TMEM86A: variants seen among roughly 807,000 people sequenced by gnomAD.
TMEM86A encodes transmembrane protein 86A.
TMEM86A carries 13 observed loss-of-function variants against 19.8 expected under a neutral mutation model. The ratio of observed to expected loss-of-function variants is 0.66; its 90% CI spans 0.43 to 1.04. The LOEUF is 1.04. Among genes scored for constraint, TMEM86A ranks in the 50% least tolerant of loss-of-function variants. TMEM86A has a pLI of 0.00. For synonymous variants in TMEM86A, 128 were observed against 129.9 expected, an observed-to-expected ratio of 0.99 and a Z score of 0.10; for missense variants, 248 against 306.8, an observed-to-expected ratio of 0.81 and a Z score of 1.43.
chr11:18,701,305 G>T lies in TMEM86A; in HGVS notation c.286+108G>T. The T allele has an allele frequency of 1.4e-6, 2 of 1,439,986 alleles. No homozygotes were observed. The highest frequency in any genetic ancestry group is 1.3e-5 in the South Asian group (1 of 75,240). 89.2% of individuals were successfully genotyped at this position (1,439,986 alleles called of 1,614,324 possible). A position where few individuals can be genotyped will look rare whatever the true frequency, so the allele number is the denominator to read the frequency against. On this transcript the variant is annotated intron_variant, in intron 2 of 2. Transcript: ENST00000280734. The surrounding 1 kb of genome is among the most constrained non-coding windows in gnomAD (Gnocchi z 5.3). The stretch of plus-strand genomic sequence containing the variant: ...AGGGAGTTCTTGAACCAGAGTGTGG[G>T]GAGCCTGAGGGTTTCTGAGGCCAGG...
In TMEM86A at chr11:18,701,962, G is replaced by A. The variant is rs747332216; in HGVS notation, c.676G>A (p.Glu226Lys). ...AQMLVALSAV[E>K]SREPVEHYRL... Reference sequence around the variant, plus strand: ...GATGCTCGTCGCCTTGTCAGCTGTCGAAAGCCGGGAGCCTGTGGAACACTA... The same window carrying A: ...GATGCTCGTCGCCTTGTCAGCTGTCAAAAGCCGGGAGCCTGTGGAACACTA... Residue 226 changes from glutamate to lysine, a missense_variant, in exon 3 of 3, where the codon GAA (glutamate) becomes AAA (lysine). Physicochemically the swap from Glu to Lys is moderately conservative, Grantham distance 56. Transcript: ENST00000280734. The surrounding 1 kb of genome is among the most constrained non-coding windows in gnomAD (Gnocchi z 5.3). 1.1e-5 allele frequency: 17 copies of A among 1,611,500 alleles called. No homozygotes were observed. The highest frequency in any genetic ancestry group is 1.6e-4 in the Middle Eastern group (1 of 6,084).
chr11:18,698,920 G>A lies in TMEM86A; in HGVS notation c.21+13G>A. 3.1e-6 allele frequency: 2 copies of A among 648,746 alleles called. No homozygotes were observed. The highest frequency in any genetic ancestry group is 5.5e-6 in the Non-Finnish European group (2 of 362,636). The allele number at this position is 648,746 out of a possible 1,614,324, so 40.2% of individuals were successfully genotyped here. ...CCCGGTCACTGTGGTGAGTGAGCGA[G>A]CGAGCGAGCCAGTGCCCGGCGCGGC... is the stretch of plus-strand genomic sequence containing the variant. On this transcript the variant is annotated intron_variant, in intron 1 of 2. Coordinates refer to ENST00000280734, the MANE Select transcript of TMEM86A (RefSeq NM_153347.3).
chr11:18,701,513 C>T lies in TMEM86A; in HGVS notation c.287-60C>T, dbSNP rs934618920. 18 of 1,496,542 alleles carry T rather than the reference C, an allele frequency of 1.2e-5. No individual in the cohort carries two copies. Among genetic ancestry groups the T allele is most frequent in the East Asian group, 2.3e-5 (1 of 43,970 alleles). 92.7% of individuals were successfully genotyped at this position (1,496,542 alleles called of 1,614,324 possible). On this transcript the variant is annotated intron_variant, in intron 2 of 2. Coordinates refer to ENST00000280734, the MANE Select transcript of TMEM86A (RefSeq NM_153347.3). This position sits in a 1 kb window ranked among gnomAD's most constrained non-coding sequence, Gnocchi z 5.3. ...ATCGCCACATCCATCCCTACCCCCA[C>T]CCTGTTACTCATTCTTCATCAAGCT...
chr11:18,700,547 A>C, intron 1 of TMEM86A: 1 of 251,620 alleles, frequency 4.0e-6, no homozygotes, highest in South Asian at 7.0e-5. Context: ...GAGGATCACG[A>C]GTTGGCCAGT....
chr11:18,701,077 G>A lies in TMEM86A; in HGVS notation c.166G>A (p.Ala56Thr). Residue 56 changes from alanine to threonine, a missense_variant, in exon 2 of 3, where the codon GCC becomes ACC. By Grantham distance (58) the Ala-to-Thr change is moderately conservative. Coordinates refer to ENST00000280734, the MANE Select transcript of TMEM86A (RefSeq NM_153347.3). The surrounding 1 kb of genome is among the most constrained non-coding windows in gnomAD (Gnocchi z 5.3). ...PIFCLWLFLL[A>T]HGLGFLLAHP... ...CTTCTGCCTCTGGCTCTTCCTTCTG[G>A]CCCATGGCCTGGGATTCCTGCTGGC... The A allele has an allele frequency of 6.2e-7, 1 of 1,614,122 alleles. No homozygotes were observed. The highest frequency in any genetic ancestry group is 1.3e-5 in the African/African-American group (1 of 75,018).
intron 1 of TMEM86A, 188 bp from the exon 2 acceptor site, chr11:18,700,745 G>C (rs1183492783): frequency 1.8e-5 from 13 of 738,258 alleles, no homozygotes; most frequent in Non-Finnish European, 2.8e-5. Flanking sequence ...GCAGTAATGG[G>C]TTTGGCCACA....
chr11:18,704,551 AG>A lies in TMEM86A; in HGVS notation c.*2544del. On this transcript the variant is annotated 3_prime_UTR_variant, in exon 3 of 3. Transcript: ENST00000280734. The stretch of plus-strand genomic sequence containing the variant: ...TTATCATCTTTGTCTGAAAGAGCAA[AG>A]GAAGTATTCGTTATATTAATGATGC... 1 of 1,527,272 alleles carries A rather than the reference AG, an allele frequency of 6.5e-7. No individual in the cohort carries two copies. Among genetic ancestry groups the A allele is most frequent in the Non-Finnish European group, 8.9e-7 (1 of 1,126,642 alleles). The allele number at this position is 1,527,272 out of a possible 1,614,324, so 94.6% of individuals were successfully genotyped here.
rs576226992 is a variant in TMEM86A at position 18,702,731 on chromosome 11, T to C, written c.*722T>C. ...GGTCCCATACGCTACCCTTAGATCCTATCCCCAGGGCTAGGGTGAACCATG... is the reference window on the plus strand; with the variant it reads ...GGTCCCATACGCTACCCTTAGATCCCATCCCCAGGGCTAGGGTGAACCATG... On this transcript the variant is annotated 3_prime_UTR_variant, in exon 3 of 3. Coordinates refer to ENST00000280734, the MANE Select transcript of TMEM86A (RefSeq NM_153347.3). 2 of 153,926 alleles carry C rather than the reference T, an allele frequency of 1.3e-5. No homozygotes were observed. The highest frequency in any genetic ancestry group is 3.9e-4 in the East Asian group (2 of 5,194). 9.5% of individuals were successfully genotyped at this position (153,926 alleles called of 1,614,324 possible).
Position 18,702,200 on chromosome 11 carries a change from G to A in TMEM86A, c.*191G>A. 1.6e-6 allele frequency: 1 copy of A among 625,286 alleles called. No homozygotes were observed. Among genetic ancestry groups the A allele is most frequent in the Non-Finnish European group, 2.8e-6 (1 of 361,110 alleles). 38.7% of individuals were successfully genotyped at this position (625,286 alleles called of 1,614,324 possible). On this transcript the variant is annotated 3_prime_UTR_variant, in exon 3 of 3. Transcript: ENST00000280734. ...AGAACTCGTGGTTCAGGACAATGCT[G>A]AGAGCTAAAAGAGCCAGCCTAATAT... is the stretch of plus-strand genomic sequence containing the variant.
rs938763659 is a variant in TMEM86A at position 18,702,233 on chromosome 11, G to A, written c.*224G>A. On this transcript the variant is annotated 3_prime_UTR_variant, in exon 3 of 3. Coordinates refer to ENST00000280734, the MANE Select transcript of TMEM86A (RefSeq NM_153347.3). ...AAAGAGCCAGCCTAATATCAGACTG[G>A]AGCCAGAAGTAGACATCTCCCCACC... The A allele has an allele frequency of 3.4e-6, 2 of 584,522 alleles. No homozygotes were observed. Among genetic ancestry groups the A allele is most frequent in the Non-Finnish European group, 6.1e-6 (2 of 328,898 alleles). The allele number at this position is 584,522 out of a possible 1,614,324, so 36.2% of individuals were successfully genotyped here.
intron 1 of TMEM86A, 187 bp from the exon 2 acceptor site, chr11:18,700,746 T>C (rs2134149534): frequency 1.4e-6 from 1 of 740,060 alleles, no homozygotes; most frequent in Non-Finnish European, 2.2e-6. Context: ...CAGTAATGGG[T>C]TTGGCCACAA....
chr11:18,704,396 T>C lies in TMEM86A; in HGVS notation c.*2387T>C, dbSNP rs1404970028. On this transcript the variant is annotated 3_prime_UTR_variant, in exon 3 of 3. Coordinates refer to ENST00000280734, the MANE Select transcript of TMEM86A (RefSeq NM_153347.3). Reference sequence around the variant, plus strand: ...AGAGAGCAAACTGGGCTTCCTACACTGGGCCATGCAGAGGACAGGCCAAGA... The same window carrying C: ...AGAGAGCAAACTGGGCTTCCTACACCGGGCCATGCAGAGGACAGGCCAAGA... 1.0e-5 allele frequency: 10 copies of C among 989,898 alleles called. No individual in the cohort carries two copies. In the African/African-American group the frequency reaches 1.5e-4, roughly 14 times the overall value. 61.3% of individuals were successfully genotyped at this position (989,898 alleles called of 1,614,324 possible). A position where few individuals can be genotyped will look rare whatever the true frequency, so the allele number is the denominator to read the frequency against.
intron 1 of TMEM86A, chr11:18,700,544 A>G: frequency 4.0e-6 from 1 of 247,452 alleles, no homozygotes; most frequent in African/African-American, 2.2e-5. Context: ...GCTGAGGATC[A>G]CGAGTTGGCC....
Position 18,698,864 on chromosome 11 carries a change from T to A in TMEM86A, c.-23T>A. On this transcript the variant is annotated 5_prime_UTR_variant, in exon 1 of 3. Transcript: ENST00000280734. ...CTGGCCGCTGCAGCCCGGAGCAGGG[T>A]GCCAGCCGCCGCCGCCGCCGCCATG... is the stretch of plus-strand genomic sequence containing the variant. The A allele has an allele frequency of 1.5e-6, 1 of 674,048 alleles. No individual in the cohort carries two copies. The highest frequency in any genetic ancestry group is 2.7e-6 in the Non-Finnish European group (1 of 376,352). 41.8% of individuals were successfully genotyped at this position (674,048 alleles called of 1,614,324 possible).
Position 18,701,908 on chromosome 11 carries a change from C to G in TMEM86A, c.622C>G (p.Leu208Val). The G allele has an allele frequency of 2.5e-6, 4 of 1,614,092 alleles. No homozygotes were observed. The highest frequency in any genetic ancestry group is 3.4e-6 in the Non-Finnish European group (4 of 1,180,046). ...FCFPVPYSRALIMSTYYVAQM... is the reference protein window; with the variant it reads ...FCFPVPYSRAVIMSTYYVAQM... ...TTTTCCTGTGCCCTACTCTCGGGCG[C>G]TTATCATGTCCACCTACTATGTGGC... The change falls in exon 3 of 3, where the codon CTT becomes GTT. Residue 208 changes from leucine (L) to valine (V), a missense_variant. Leu to Val is a conservative substitution (Grantham distance 32). Transcript: ENST00000280734. The surrounding 1 kb of genome is among the most constrained non-coding windows in gnomAD (Gnocchi z 5.3).
chr11:18,701,439 C>T lies in TMEM86A; in HGVS notation c.287-134C>T. 2.7e-6 allele frequency: 3 copies of T among 1,092,212 alleles called. No homozygotes were observed. Among genetic ancestry groups the T allele is most frequent in the Non-Finnish European group, 3.9e-6 (3 of 765,592 alleles). 67.7% of individuals were successfully genotyped at this position (1,092,212 alleles called of 1,614,324 possible). A position where few individuals can be genotyped will look rare whatever the true frequency, so the allele number is the denominator to read the frequency against. On this transcript the variant is annotated intron_variant, in intron 2 of 2. Coordinates refer to ENST00000280734, the MANE Select transcript of TMEM86A (RefSeq NM_153347.3). This position sits in a 1 kb window ranked among gnomAD's most constrained non-coding sequence, Gnocchi z 5.3. ...GTCTTTAACTTTAGATCTTCCTACC[C>T]CTGTTATCCCAAAGCAAAGCTGCTG...
rs1344751684 is a variant in TMEM86A at position 18,701,276 on chromosome 11, G to A, written c.286+79G>A. On this transcript the variant is annotated intron_variant, in intron 2 of 2. Coordinates refer to ENST00000280734, the MANE Select transcript of TMEM86A (RefSeq NM_153347.3). This position sits in a 1 kb window ranked among gnomAD's most constrained non-coding sequence, Gnocchi z 5.3. Reference sequence around the variant, plus strand: ...GTCCTGGGCTGTGGGCAAAGATTTGGAAGAGGGAGTTCTTGAACCAGAGTG... The same window carrying A: ...GTCCTGGGCTGTGGGCAAAGATTTGAAAGAGGGAGTTCTTGAACCAGAGTG... The A allele has an allele frequency of 1.9e-6, 3 of 1,539,090 alleles. No individual in the cohort carries two copies. The highest frequency in any genetic ancestry group is 2.6e-6 in the Non-Finnish European group (3 of 1,140,976).
Position 18,701,972 on chromosome 11 carries a change from A to C in TMEM86A, c.686A>C (p.Glu229Ala). Residue 229 changes from glutamate to alanine, a missense_variant, in exon 3 of 3, where the codon GAG (glutamate) becomes GCG (alanine). Physicochemically the swap from Glu to Ala is moderately radical, Grantham distance 107. Transcript: ENST00000280734. The surrounding 1 kb of genome is among the most constrained non-coding windows in gnomAD (Gnocchi z 5.3). ...GCCTTGTCAGCTGTCGAAAGCCGGG[A>C]GCCTGTGGAACACTACAGACTGACC... The part of the protein sequence containing the change: ...LVALSAVESR[E>A]PVEHYRLTKA... 4.3e-6 allele frequency: 7 copies of C among 1,610,280 alleles called. No homozygotes were observed. Among genetic ancestry groups the C allele is most frequent in the Non-Finnish European group, 5.9e-6 (7 of 1,179,996 alleles).
chr11:18,701,562 C>A lies in TMEM86A; in HGVS notation c.287-11C>A, dbSNP rs371769220. Reference sequence around the variant, plus strand: ...CTTGCCCTCAGCTGCCTTTGCCCCTCTTACCCCCAGGTCTGCTGATGTTTG... The same window carrying A: ...CTTGCCCTCAGCTGCCTTTGCCCCTATTACCCCCAGGTCTGCTGATGTTTG... On this transcript the variant is annotated splice_polypyrimidine_tract_variant and intron_variant, in intron 2 of 2. Transcript: ENST00000280734. This position sits in a 1 kb window ranked among gnomAD's most constrained non-coding sequence, Gnocchi z 5.3. 172 of 1,538,194 alleles carry A rather than the reference C, an allele frequency of 1.1e-4. 1 individual carries two copies. The Middle Eastern group carries it at 1.4e-3, about 13-fold the overall frequency.
Sources: gnomAD v4.1 joint callset for allele counts on GRCh38, gnomAD v4.1.1 for gene constraint, Gnocchi (gnomAD v3.1) non-coding constraint, MANE v1.5 for transcripts, NCBI Gene and HGNC (gene_info 2026-07-23, HGNC 2026-07-21) for gene names.